The following PCM1 variants were observed in gnomAD, a reference collection of about 807,000 sequenced individuals.
The protein encoded by PCM1 is pericentriolar material 1.
In PCM1, 157 loss-of-function variants were observed where a neutral mutation model predicts 241.9. That is an observed-to-expected ratio of 0.65 (90% CI 0.57 to 0.74). PCM1 has a LOEUF of 0.74. Among genes scored for constraint, PCM1 ranks in the 30% least tolerant of loss-of-function variants. The pLI is 0.00. For synonymous variants in PCM1, 1,085 were observed against 784.9 expected, an observed-to-expected ratio of 1.38 and a Z score of -6.39; for missense variants, 3,478 against 2,360.1, an observed-to-expected ratio of 1.47 and a Z score of -9.81.
rs2092554076 is a variant in PCM1 at position 18,011,796 on chromosome 8, A to G, written c.5480A>G (p.Glu1827Gly). 6.2e-7 allele frequency: 1 copy of G among 1,613,166 alleles called. No homozygotes were observed. Among genetic ancestry groups the G allele is most frequent in the Non-Finnish European group, 8.5e-7 (1 of 1,179,708 alleles). Residue 1827 changes from glutamate (E) to glycine (G), a missense_variant, in exon 34 of 39, where the codon GAA becomes GGA. Physicochemically the swap from Glu to Gly is moderately conservative, Grantham distance 98 (BLOSUM62 -2). Transcript: ENST00000325083. Reference sequence around the variant, plus strand: ...CAGACTTCCCTCCAGGCTAACACTGAAGCTACTGAAGAAAATGAACATGAT... The same window carrying G: ...CAGACTTCCCTCCAGGCTAACACTGGAGCTACTGAAGAAAATGAACATGAT... ...DVQTSLQANT[E>G]ATEENEHDEQ...
At chr8:18,009,985 A>C (rs2092235993) in intron 31 of PCM1, among the ~76,000 whole-genome samples, 1 of 152,242 alleles carries the variant, frequency 6.6e-6, no homozygotes, top group African/African-American at 2.4e-5. Flanking sequence ...TCAGATAACC[A>C]GTTCACATTA....
intron 34 of PCM1, among the ~76,000 whole-genome samples, chr8:18,012,916 A>G (rs1202730142): frequency 1.3e-5 from 2 of 152,030 alleles, no homozygotes; most frequent in African/African-American, 4.8e-5. Flanking sequence ...GTTACTTTTT[A>G]ATAGTGCCCT....
chr8:17,949,520 A>G (rs2065185650), intron 7 of PCM1, among the ~76,000 whole-genome samples: 1 of 128,518 alleles, frequency 7.8e-6, no homozygotes, highest in Non-Finnish European at 1.6e-5. Context: ...TTTTTGAGAC[A>G]GGATCTTGCT....
In PCM1 at chr8:18,027,663, G is replaced by C; in HGVS notation, c.*1G>C. On this transcript the variant is annotated 3_prime_UTR_variant, in exon 39 of 39. Transcript: ENST00000325083. ...AACGGTGGGAGCCCAGAGTATATGA[G>C]ATGTCTTCAGAGGCTCATCTAACTC... The C allele has an allele frequency of 6.3e-7, 1 of 1,586,862 alleles. No individual in the cohort carries two copies. Among genetic ancestry groups the C allele is most frequent in the Non-Finnish European group, 8.6e-7 (1 of 1,160,582 alleles).
At chr8:17,946,151 G>GT (rs1335324681) in intron 6 of PCM1, among the ~76,000 whole-genome samples, 1 of 151,664 alleles carries the variant, frequency 6.6e-6, no homozygotes, top group East Asian at 1.9e-4. Context: ...ATCATTTTTT[G>GT]TAAGTGCCAC....
At chr8:18,011,578 A>G (rs139941550) in intron 33 of PCM1, 89 bp from the exon 34 acceptor site, 186 of 1,240,638 alleles carry the variant, frequency 1.5e-4, no homozygotes, top group Non-Finnish European at 1.8e-4. Flanking sequence ...TATATAAAGC[A>G]TCTGTGCCAT....
intron 2 of PCM1, chr8:17,925,689 T>G (rs1281019986): frequency 6.6e-6 from 1 of 152,212 alleles, no homozygotes; most frequent in Admixed American, 6.5e-5. Flanking sequence ...CAAAAAAGAT[T>G]AGCCAGGCGT....
chr8:17,957,869 T>C (rs1017915251), intron 13 of PCM1, 94 bp downstream of exon 13: 1 of 807,260 alleles, frequency 1.2e-6, no homozygotes, highest in Admixed American at 2.5e-5. Context: ...TTAATTATAC[T>C]AATACACATT....
chr8:17,965,880 A>G (rs2074691087), intron 18 of PCM1, 119 bp from the exon 19 acceptor site: 8 of 643,402 alleles, frequency 1.2e-5, no homozygotes, highest in Non-Finnish European at 2.1e-5. Context: ...AATACTTTGT[A>G]TGTTCTTTTA....
At chr8:18,004,040 T>C (rs1377447323) in intron 29 of PCM1, among the ~76,000 whole-genome samples, 1 of 149,442 alleles carries the variant, frequency 6.7e-6, no homozygotes, top group Non-Finnish European at 1.5e-5. Context: ...ACAGTTACTT[T>C]ATAAGGGTTA....
chr8:17,987,322 A>G (rs1181398723), intron 26 of PCM1, among the ~76,000 whole-genome samples: 3 of 151,854 alleles, frequency 2.0e-5, no homozygotes, highest in East Asian at 1.9e-4. Flanking sequence ...AACTTGAGAG[A>G]GAATGAACAG....
chr8:17,973,195 A>G (rs2077427938), intron 23 of PCM1, among the ~76,000 whole-genome samples: 1 of 152,204 alleles, frequency 6.6e-6, no homozygotes, highest in African/African-American at 2.4e-5. Flanking sequence ...TGAATGTCAT[A>G]TTAAAGTTGT....
intron 7 of PCM1, among the ~76,000 whole-genome samples, chr8:17,948,497 G>A (rs1410926352): frequency 6.6e-6 from 1 of 151,678 alleles, no homozygotes; most frequent in Non-Finnish European, 1.5e-5. Context: ...TAGAGTCGGG[G>A]TTTCACCATA....
rs1413667397 is a variant in PCM1, at chr8:18,029,040, A to G, written c.*1378A>G. 2.3e-5 allele frequency: 4 copies of G among 175,776 alleles called. No homozygotes were observed. The highest frequency in any genetic ancestry group is 3.7e-5 in the Non-Finnish European group (3 of 81,944). The allele number at this position is 175,776 out of a possible 1,614,324, so 10.9% of individuals were successfully genotyped here. ...GTGGCACGTGCCTGTAGTCCTAGCT[A>G]CTTGGGAGGCTAAGGCAGGAGAATA... On this transcript the variant is annotated 3_prime_UTR_variant, in exon 39 of 39. Transcript: ENST00000325083.
intron 36 of PCM1, among the ~76,000 whole-genome samples, chr8:18,023,360 T>A (rs17514812): frequency 0.45 from 68,891 of 151,988 alleles, 17,431 homozygotes; most frequent in Non-Finnish European, 0.59. Flanking sequence ...TTTTGTTCTT[T>A]GGTAAGATCG....
chr8:17,999,634 G>A (rs1195474434), intron 29 of PCM1, among the ~76,000 whole-genome samples: 2 of 152,134 alleles, frequency 1.3e-5, no homozygotes, highest in African/African-American at 4.8e-5. Context: ...TGGGGGAGGG[G>A]TGGCGTCAGC....
At chr8:18,000,826 T>C (rs1383705856) in intron 29 of PCM1, among the ~76,000 whole-genome samples, 2 of 152,158 alleles carry the variant, frequency 1.3e-5, no homozygotes, top group Non-Finnish European at 2.9e-5. Flanking sequence ...TTTCCCTATG[T>C]TGACCACGCT....
intron 23 of PCM1, among the ~76,000 whole-genome samples, chr8:17,977,869 T>TA (rs2129474059): frequency 6.6e-6 from 1 of 152,284 alleles, no homozygotes; most frequent in Admixed American, 6.5e-5. Context: ...TTATTAAAGC[T>TA]ATCCAGCATT....
At chr8:18,010,578 C>T (rs1380650534) in intron 31 of PCM1, 31 bp from the exon 32 acceptor site, 2 of 1,532,630 alleles carry the variant, frequency 1.3e-6, no homozygotes, top group Non-Finnish European at 1.8e-6. Context: ...AAGTATGTTG[C>T]TAAATTCTGT....
Sources: gnomAD v4.1 joint callset for allele counts (sites outside exome capture counted in the v4.1 genomes callset) on GRCh38, gnomAD v4.1.1 for gene constraint, MANE v1.5 for transcripts, NCBI Gene and HGNC (gene_info 2026-07-23, HGNC 2026-07-21) for gene names.